The following PCDHA1 variants were observed in gnomAD, a reference collection of about 807,000 sequenced individuals.
PCDHA1 encodes protocadherin alpha 1.
In PCDHA1, 42 loss-of-function variants were observed where a neutral mutation model predicts 61.3. The observed-to-expected ratio is 0.69, with a 90% CI of 0.54 to 0.89. The LOEUF (loss-of-function observed/expected upper bound fraction) is 0.89, where lower values mean the gene tolerates loss of function less well. PCDHA1 is among the 40% of genes least tolerant of loss of function. The pLI, the probability that PCDHA1 is intolerant of heterozygous loss-of-function variation, is 0.00. For missense variants in PCDHA1, 1,256 were observed against 1,235.3 expected (o/e 1.02, Z -0.25); for synonymous variants, 610 against 553.8 (o/e 1.10, Z -1.43).
intron 1 of PCDHA1, chr5:140,801,915 C>T (rs782045551): frequency 1.9e-6 from 3 of 1,614,120 alleles, no homozygotes; most frequent in Admixed American, 3.3e-5. Flanking sequence ...CGACAACGCC[C>T]CAGCGTTTGA....
intron 1 of PCDHA1, chr5:140,841,245 G>A (rs1483817095): frequency 1.3e-6 from 2 of 1,501,446 alleles, no homozygotes; most frequent in Non-Finnish European, 1.8e-6. Context: ...AGCGGAATTG[G>A]ATTAAAAGAC....
At chr5:140,797,133 C>G in intron 1 of PCDHA1, 3 of 1,613,992 alleles carry the variant, frequency 1.9e-6, no homozygotes, top group Middle Eastern at 1.6e-4. Context: ...CGCTGCGGTG[C>G]TCGGTGCCAC....
At chr5:140,804,977 T>G in intron 1 of PCDHA1, 8 of 1,501,798 alleles carry the variant, frequency 5.3e-6, no homozygotes, top group Non-Finnish European at 6.2e-6. Context: ...AGTGTGTCCA[T>G]CTCAGGTCAG....
At chr5:140,928,691 T>C (rs1554206164) in intron 1 of PCDHA1, 1 of 1,614,148 alleles carries the variant, frequency 6.2e-7, no homozygotes, top group East Asian at 2.2e-5. Context: ...TCCTACCACA[T>C]CTCCCGGGCG....
intron 1 of PCDHA1, chr5:140,850,022 A>C: frequency 6.3e-7 from 1 of 1,596,794 alleles, no homozygotes; most frequent in Admixed American, 1.7e-5. Context: ...GCTACGTGTC[A>C]GTGCACGCGG....
rs1761464650 is a variant in PCDHA1, at chr5:140,788,407, C to T, written c.2117C>T (p.Ala706Val). 1 of 1,613,978 alleles carries T rather than the reference C, an allele frequency of 6.2e-7. No homozygotes were observed. The highest frequency in any genetic ancestry group is 1.3e-5 in the African/African-American group (1 of 74,948). The change falls in exon 1 of 4, where the codon GCG becomes GTG. Residue 706 changes from alanine to valine, a missense_variant. Coordinates refer to ENST00000504120, the MANE Select transcript of PCDHA1 (RefSeq NM_018900.4). ...GTGTACCTGATCATCGCCATCTGCG[C>T]GGTGTCCAGCCTGCTGGTGCTCACA... ...VNVYLIIAIC[A>V]VSSLLVLTLL...
chr5:140,841,601 G>A (rs2150319014), intron 1 of PCDHA1: 29 of 1,614,018 alleles, frequency 1.8e-5, no homozygotes, highest in South Asian at 8.8e-5. Context: ...CGACCGCGAG[G>A]AGCTGTGCGG....
intron 1 of PCDHA1, chr5:140,809,361 C>T (rs782686583): frequency 6.2e-7 from 1 of 1,613,904 alleles, no homozygotes; most frequent in East Asian, 2.2e-5. Flanking sequence ...CGGTGCTCTG[C>T]GCTGCCCACC....
At position 140,928,265 on chromosome 5, in the gene PCDHA1, A is replaced by G. The variant is rs1208273188; in HGVS notation, c.2395-50684A>G. ...CAGGAACTTTTCGTTGCTGAAAACA[A>G]TGGCCCTGGGGCCTCTCTAGGCCGA... On this transcript the variant is annotated intron_variant, in intron 1 of 3. Coordinates refer to ENST00000504120, the MANE Select transcript of PCDHA1 (RefSeq NM_018900.4). The G allele has an allele frequency of 3.1e-6, 5 of 1,614,188 alleles. No individual in the cohort carries two copies. In the South Asian group the frequency reaches 3.3e-5, roughly 11 times the overall value.
At chr5:140,871,275 A>C in intron 1 of PCDHA1, 3 of 1,613,900 alleles carry the variant, frequency 1.9e-6, no homozygotes, top group Non-Finnish European at 2.5e-6. Flanking sequence ...GGTGGTCGGC[A>C]ACGCCCACTG....
chr5:140,985,941 G>T (rs553776294), intron 3 of PCDHA1, among the ~76,000 whole-genome samples: 2 of 151,978 alleles, frequency 1.3e-5, no homozygotes, highest in South Asian at 4.1e-4. Flanking sequence ...GGGTTTCACT[G>T]TGTTAGCCAG....
chr5:140,919,649 T>G (rs1252944920), intron 1 of PCDHA1, among the ~76,000 whole-genome samples: 1 of 152,202 alleles, frequency 6.6e-6, no homozygotes, highest in Non-Finnish European at 1.5e-5. Flanking sequence ...TTCTCTAGAG[T>G]TTACCATATA....
At position 140,829,573 on chromosome 5, in the gene PCDHA1, G is replaced by T. The variant is rs149144253; in HGVS notation, c.2394+40889G>T. The T allele has an allele frequency of 5.4e-4, 868 of 1,612,504 alleles. 2 individuals carry two copies. The highest frequency in any genetic ancestry group is 3.7e-3 in the African/African-American group (279 of 75,014). The stretch of plus-strand genomic sequence containing the variant: ...AGAACGCGCTGGTGTCCTACTCGCT[G>T]GTGGAGCGGCGGGTGGGCGAGCGCG... On this transcript the variant is annotated intron_variant, in intron 1 of 3. Coordinates refer to ENST00000504120, the MANE Select transcript of PCDHA1 (RefSeq NM_018900.4).
chr5:140,858,019 G>C (rs377389644), intron 1 of PCDHA1: 2 of 1,596,850 alleles, frequency 1.3e-6, no homozygotes, highest in Non-Finnish European at 1.7e-6. Flanking sequence ...GCGAGCCGTC[G>C]CTGACGGCCA....
intron 1 of PCDHA1, among the ~76,000 whole-genome samples, chr5:140,945,084 G>A (rs2093736806): frequency 6.6e-6 from 1 of 151,822 alleles, no homozygotes; most frequent in Admixed American, 6.6e-5. Context: ...AACACTCTTG[G>A]AACTAATAAA....
chr5:140,856,514 G>T (rs781942781), intron 1 of PCDHA1: 5 of 1,598,422 alleles, frequency 3.1e-6, no homozygotes, highest in Non-Finnish European at 3.4e-6. Context: ...ACTAGAAGGC[G>T]CATCTGATGC....
intron 1 of PCDHA1, chr5:140,863,153 A>T (rs1554157836): frequency 1.6e-6 from 1 of 625,716 alleles, no homozygotes; most frequent in South Asian, 1.4e-5. Flanking sequence ...GTGAAGGACC[A>T]CTGCGAGCTG....
In PCDHA1 at chr5:140,928,366, C is replaced by T. The variant is rs73793524; in HGVS notation, c.2395-50583C>T. 1.5e-3 allele frequency: 2,439 copies of T among 1,614,110 alleles called. 35 individuals carry two copies. In the African/African-American group the frequency reaches 0.03, roughly 20 times the overall value. ...GCTGTTGGATGTTATCTCTGAAGGG[C>T]CATCAGCCTCTAGCTTGCTGGCAGT... On this transcript the variant is annotated intron_variant, in intron 1 of 3. Coordinates refer to ENST00000504120, the MANE Select transcript of PCDHA1 (RefSeq NM_018900.4).
chr5:140,786,891 G>A lies in PCDHA1; in HGVS notation c.601G>A (p.Asp201Asn), dbSNP rs781925221. 12 of 1,614,036 alleles carry A rather than the reference G, an allele frequency of 7.4e-6. No homozygotes were observed. In the South Asian group the frequency reaches 1.2e-4, roughly 16 times the overall value. The change falls in exon 1 of 4, where the codon GAT (aspartate) becomes AAT (asparagine). Residue 201 changes from aspartate (D) to asparagine (N), a missense_variant. Coordinates refer to ENST00000504120, the MANE Select transcript of PCDHA1 (RefSeq NM_018900.4). ...TTGGCTTGAATTGAGAAAATATTTGGATAGAGAAGAAACACCAGAACTTCA... is the reference window on the plus strand; with the variant it reads ...TTGGCTTGAATTGAGAAAATATTTGAATAGAGAAGAAACACCAGAACTTCA... ...SLWLELRKYL[D>N]REETPELHLL... is the part of the protein sequence containing the mutation.
Sources: gnomAD v4.1 joint callset for allele counts (sites outside exome capture counted in the v4.1 genomes callset) on GRCh38, gnomAD v4.1.1 for gene constraint, MANE v1.5 for transcripts, NCBI Gene and HGNC (gene_info 2026-07-23, HGNC 2026-07-21) for gene names.